The following PPP1R9A variants were observed in gnomAD, a reference collection of about 807,000 sequenced individuals.
PPP1R9A encodes the protein neurabin-1.
PPP1R9A carries 59 observed loss-of-function variants against 141.9 expected under a neutral mutation model. That is an observed-to-expected ratio of 0.42 (90% CI 0.34 to 0.52). PPP1R9A has a LOEUF of 0.52. PPP1R9A is among the 20% of genes least tolerant of loss of function. The probability of loss-of-function intolerance (pLI) is 0.10; values close to 1 mark genes in which losing one functional copy is unlikely to be tolerated. For synonymous variants in PPP1R9A, 500 were observed against 569.7 expected, an observed-to-expected ratio of 0.88 and a Z score of 1.74; for missense variants, 1,444 against 1,611.9, an observed-to-expected ratio of 0.90 and a Z score of 1.78.
At chr7:95,140,543 T>C (rs1271269808) in intron 4 of PPP1R9A, among the ~76,000 whole-genome samples, 1 of 151,950 alleles carries the variant, frequency 6.6e-6, no homozygotes, top group Non-Finnish European at 1.5e-5. Flanking sequence ...GGCATGCCAT[T>C]GTGCCCAGCT....
At position 95,290,118 on chromosome 7, in the gene PPP1R9A, C is replaced by G. The variant is rs749945733; in HGVS notation, c.3940C>G (p.Arg1314Gly). The G allele has an allele frequency of 6.2e-7, 1 of 1,613,850 alleles. No homozygotes were observed. The highest frequency in any genetic ancestry group is 1.3e-5 in the African/African-American group (1 of 74,974). The change falls in exon 20 of 20, where the codon CGA (arginine) becomes GGA (glycine). Residue 1314 changes from arginine to glycine, a missense_variant. This residue lies in a region of PPP1R9A where 459 missense variants were observed against 513.8 expected (regional missense o/e 0.89). Coordinates refer to ENST00000433360, the MANE Select transcript of PPP1R9A (RefSeq NM_001166160.2). Reference sequence around the variant, plus strand: ...TCTTGGAATGACAGCATCCCAGGACCGAGCAGTGGTCAAAAAGAAACTCAA... The same window carrying G: ...TCTTGGAATGACAGCATCCCAGGACGGAGCAGTGGTCAAAAAGAAACTCAA... ...KALGMTASQD[R>G]AVVKKKLKEM...
chr7:95,209,932 A>C (rs1005172190), intron 7 of PPP1R9A, among the ~76,000 whole-genome samples: 33 of 152,186 alleles, frequency 2.2e-4, no homozygotes, highest in African/African-American at 7.2e-4. Context: ...CCACAGTTCT[A>C]CTGGCATCAG....
At chr7:95,257,050 G>C (rs1799686172) in intron 12 of PPP1R9A, among the ~76,000 whole-genome samples, 1 of 152,084 alleles carries the variant, frequency 6.6e-6, no homozygotes, top group African/African-American at 2.4e-5. Flanking sequence ...AACTTCTTTA[G>C]AATTTGGTAA....
At chr7:95,069,734 T>C (rs896289903) in intron 2 of PPP1R9A, among the ~76,000 whole-genome samples, 5 of 152,130 alleles carry the variant, frequency 3.3e-5, no homozygotes, top group African/African-American at 1.2e-4. Context: ...AAGCCCTTTA[T>C]GTTTCTAAGG....
intron 7 of PPP1R9A, among the ~76,000 whole-genome samples, chr7:95,216,922 A>G (rs1014973392): frequency 1.3e-5 from 2 of 152,176 alleles, no homozygotes; most frequent in African/African-American, 4.8e-5. Context: ...AACAGGGACA[A>G]TTTGACTTCC....
rs199705820 is a variant in PPP1R9A, at chr7:95,250,135, T to G, written c.2276T>G (p.Ile759Ser). The G allele has an allele frequency of 1.2e-6, 2 of 1,613,934 alleles. No homozygotes were observed. The highest frequency in any genetic ancestry group is 1.7e-6 in the Non-Finnish European group (2 of 1,179,928). ...ATGTTGAAGTTGGAAAGCTACTGGA[T>G]TGAGGCCCAAACATTATGCCACACA... ...ERMLKLESYW[I>S]EAQTLCHTVN... The change falls in exon 10 of 20, where the codon ATT (isoleucine) becomes AGT (serine). Residue 759 changes from isoleucine (I) to serine (S), a missense_variant. Physicochemically the swap from Ile to Ser is moderately radical, Grantham distance 142. This residue lies in a region of PPP1R9A where 488 missense variants were observed against 542.0 expected (regional missense o/e 0.90). Coordinates refer to ENST00000433360, the MANE Select transcript of PPP1R9A (RefSeq NM_001166160.2).
At chr7:94,981,221 G>A (rs889758873) in intron 2 of PPP1R9A, among the ~76,000 whole-genome samples, 2 of 151,922 alleles carry the variant, frequency 1.3e-5, no homozygotes, top group African/African-American at 2.4e-5. Context: ...TTAGGCAGGG[G>A]GCCCAGTGTA....
intron 4 of PPP1R9A, among the ~76,000 whole-genome samples, chr7:95,142,574 A>G (rs1326908280): frequency 6.6e-6 from 1 of 151,990 alleles, no homozygotes; most frequent in African/African-American, 2.4e-5. Context: ...TCTTTTCCAT[A>G]TGGATATTTA....
At chr7:95,135,105 T>A (rs1584882249) in intron 4 of PPP1R9A, among the ~76,000 whole-genome samples, 1 of 152,202 alleles carries the variant, frequency 6.6e-6, no homozygotes, top group Admixed American at 6.5e-5. Flanking sequence ...CTTAGCACAC[T>A]TATAGTGTTT....
At chr7:95,083,655 C>G (rs1437271361) in intron 2 of PPP1R9A, among the ~76,000 whole-genome samples, 2 of 151,870 alleles carry the variant, frequency 1.3e-5, no homozygotes, top group African/African-American at 4.9e-5. Context: ...GCAGAGATTT[C>G]GGAGGCTCCG....
intron 3 of PPP1R9A, among the ~76,000 whole-genome samples, chr7:95,116,486 G>A (rs996889777): frequency 6.6e-6 from 1 of 151,946 alleles, no homozygotes; most frequent in African/African-American, 2.4e-5. Context: ...ATTTACAGTA[G>A]CACCAAAACA....
intron 2 of PPP1R9A, among the ~76,000 whole-genome samples, chr7:94,963,418 G>A (rs1284467199): frequency 6.6e-6 from 1 of 152,082 alleles, no homozygotes; most frequent in African/African-American, 2.4e-5. Context: ...GAATTGGTCA[G>A]CCACAATCAA....
chr7:95,148,003 A>T (rs1313961942), intron 4 of PPP1R9A, among the ~76,000 whole-genome samples: 2 of 152,154 alleles, frequency 1.3e-5, no homozygotes, highest in African/African-American at 4.8e-5. Flanking sequence ...TTTTGACCTC[A>T]TTGAAAATGA....
At chr7:95,026,857 A>G (rs1031641120) in intron 2 of PPP1R9A, among the ~76,000 whole-genome samples, 2 of 152,100 alleles carry the variant, frequency 1.3e-5, no homozygotes, top group African/African-American at 4.8e-5. Context: ...CCCAGCTGGA[A>G]CTTCCCCTCT....
At chr7:95,281,806 A>G (rs1481138630) in intron 16 of PPP1R9A, among the ~76,000 whole-genome samples, 1 of 152,210 alleles carries the variant, frequency 6.6e-6, no homozygotes, top group Admixed American at 6.5e-5. Flanking sequence ...TGGCCTATTT[A>G]TAAACTTTAA....
chr7:95,192,575 A>C (rs1486266821), intron 5 of PPP1R9A, among the ~76,000 whole-genome samples: 1 of 152,050 alleles, frequency 6.6e-6, no homozygotes, highest in Admixed American at 6.6e-5. Flanking sequence ...ACTAAGCACC[A>C]GATACTTAGT....
Position 95,180,516 on chromosome 7 carries a change from G to A in PPP1R9A, c.1755-17833G>A, listed in dbSNP as rs370068079. Among the ~76,000 whole-genome samples the A allele has an allele frequency of 6.6e-5, 10 of 152,170 alleles. No homozygotes were observed. The East Asian group carries it at 9.7e-4, about 15-fold the overall frequency. On this transcript the variant is annotated intron_variant, in intron 5 of 19. Transcript: ENST00000433360. ...CAAAAGCAAATGCAATAAAAACGAAGATAAATAGCTGTGACTTAATTAAAC... is the reference window on the plus strand; with the variant it reads ...CAAAAGCAAATGCAATAAAAACGAAAATAAATAGCTGTGACTTAATTAAAC...
At chr7:94,952,985 G>A (rs1350269446) in intron 2 of PPP1R9A, among the ~76,000 whole-genome samples, 2 of 152,052 alleles carry the variant, frequency 1.3e-5, no homozygotes, top group Non-Finnish European at 2.9e-5. Flanking sequence ...GTCAATTTTG[G>A]CTTTTGTTGC....
chr7:95,037,193 T>TAGTG (rs1430153313), intron 2 of PPP1R9A: 2 of 152,212 alleles, frequency 1.3e-5, no homozygotes, highest in Non-Finnish European at 2.9e-5. Context: ...TATGAGCATA[T>TAGTG]AGTGGTCCAT....
Sources: allele counts gnomAD v4.1 joint callset (sites outside exome capture counted in the v4.1 genomes callset), GRCh38; gene constraint gnomAD v4.1.1; regional missense constraint gnomAD v4.1.1; transcripts MANE v1.5; gene names NCBI Gene and HGNC (gene_info 2026-07-23, HGNC 2026-07-21).